HCRTR2: variants seen among roughly 807,000 people sequenced by gnomAD.
HCRTR2 encodes the protein orexin receptor type 2.
HCRTR2 carries 22 observed loss-of-function variants against 49.0 expected under a neutral mutation model. The ratio of observed to expected loss-of-function variants is 0.45; its 90% CI spans 0.32 to 0.64. HCRTR2 has a LOEUF of 0.64. Among genes scored for constraint, HCRTR2 ranks in the 30% least tolerant of loss-of-function variants. The pLI is 0.04. For synonymous variants in HCRTR2, 236 were observed against 205.3 expected, an observed-to-expected ratio of 1.15 and a Z score of -1.28; for missense variants, 491 against 559.4, an observed-to-expected ratio of 0.88 and a Z score of 1.23.
rs542851970 is a variant in HCRTR2 at position 55,187,406 on chromosome 6, C to T, written c.223+12596C>T. On this transcript the variant is annotated intron_variant, in intron 1 of 6. Coordinates refer to ENST00000370862, the MANE Select transcript of HCRTR2 (RefSeq NM_001384272.1). Reference sequence around the variant, plus strand: ...CTGGCCTGGTGACAGAGTGAGACTCCGTCTCAAAAAAAAAAAAAAAAAAAA... The same window carrying T: ...CTGGCCTGGTGACAGAGTGAGACTCTGTCTCAAAAAAAAAAAAAAAAAAAA... Among the ~76,000 whole-genome samples, 687 of 107,948 alleles carry T rather than the reference C, an allele frequency of 6.4e-3. 9 individuals carry two copies. The highest frequency in any genetic ancestry group is 0.024 in the African/African-American group (632 of 26,518). The allele number at this position is 107,948 out of a possible 152,430, so 70.8% of individuals were successfully genotyped here.
intron 1 of HCRTR2, among the ~76,000 whole-genome samples, chr6:55,130,809 A>G (rs1247848517): frequency 1.3e-5 from 2 of 151,846 alleles, no homozygotes; most frequent in Non-Finnish European, 2.9e-5. Context: ...ACACATATAC[A>G]CAGAAATGAC....
At chr6:55,201,144 G>A (rs577661973) in intron 1 of HCRTR2, among the ~76,000 whole-genome samples, 61 of 151,936 alleles carry the variant, frequency 4.0e-4, no homozygotes, top group Non-Finnish European at 6.9e-4. Context: ...CCCTGCCTTG[G>A]TCATTTAAAC....
intron 1 of HCRTR2, among the ~76,000 whole-genome samples, chr6:55,132,944 T>C (rs1264558900): frequency 6.6e-6 from 1 of 151,764 alleles, no homozygotes; most frequent in Non-Finnish European, 1.5e-5. Context: ...AGAAGACTTT[T>C]CAAAACCAAT....
At chr6:55,222,279 C>T (rs538422743) in intron 1 of HCRTR2, among the ~76,000 whole-genome samples, 1 of 147,942 alleles carries the variant, frequency 6.8e-6, no homozygotes, top group South Asian at 2.1e-4. Flanking sequence ...GTAGGATGAC[C>T]ATTATGAAAC....
At chr6:55,209,957 C>T (rs971122937) in intron 1 of HCRTR2, among the ~76,000 whole-genome samples, 15 of 152,054 alleles carry the variant, frequency 9.9e-5, no homozygotes, top group Admixed American at 8.5e-4. Context: ...CTGCATAGAG[C>T]TTATGATGGT....
intron 6 of HCRTR2, 137 bp from the exon 7 acceptor site, chr6:55,282,088 C>A: frequency 1.5e-6 from 1 of 663,426 alleles, no homozygotes; most frequent in Non-Finnish European, 2.7e-6. Context: ...TTTCCTTATT[C>A]TATTTTACCC....
intron 1 of HCRTR2, among the ~76,000 whole-genome samples, chr6:55,152,872 C>A (rs1386170189): frequency 1.3e-5 from 2 of 151,876 alleles, no homozygotes; most frequent in African/African-American, 2.4e-5. Flanking sequence ...ACTTTTCATT[C>A]TTTTGTTTTC....
chr6:55,130,719 A>G (rs9475159), intron 1 of HCRTR2, among the ~76,000 whole-genome samples: 94,255 of 151,656 alleles, frequency 0.62, 30,479 homozygotes, highest in African/African-American at 0.73. Flanking sequence ...CTTGAAGACT[A>G]AAATGTTTTC....
intron 1 of HCRTR2, among the ~76,000 whole-genome samples, chr6:55,138,923 G>A (rs930781742): frequency 1.3e-5 from 2 of 152,186 alleles, no homozygotes; most frequent in Non-Finnish European, 2.9e-5. Context: ...AGGACAGAAA[G>A]TGCCTTTGGG....
chr6:55,204,736 A>C (rs1765571209), intron 1 of HCRTR2, among the ~76,000 whole-genome samples: 1 of 152,172 alleles, frequency 6.6e-6, no homozygotes, highest in African/African-American at 2.4e-5. Context: ...ATTTGGGAGA[A>C]TCAAAAATCC....
intron 1 of HCRTR2, among the ~76,000 whole-genome samples, chr6:55,191,552 T>C (rs1407788504): frequency 6.6e-6 from 1 of 152,172 alleles, no homozygotes; most frequent in Non-Finnish European, 1.5e-5. Context: ...CATTGTGAAA[T>C]ACTGGTGCTG....
chr6:55,177,743 T>C (rs1765065520), intron 1 of HCRTR2, among the ~76,000 whole-genome samples: 1 of 152,176 alleles, frequency 6.6e-6, no homozygotes, highest in Admixed American at 6.5e-5. Flanking sequence ...AACAAAGTCT[T>C]GATTGTCCTC....
At chr6:55,181,917 A>C (rs997648222) in intron 1 of HCRTR2, among the ~76,000 whole-genome samples, 2 of 152,232 alleles carry the variant, frequency 1.3e-5, no homozygotes, top group Admixed American at 6.5e-5. Context: ...ATTTACAGTA[A>C]GAGTTTATTC....
At chr6:55,178,963 T>C (rs1254982470) in intron 1 of HCRTR2, among the ~76,000 whole-genome samples, 4 of 152,376 alleles carry the variant, frequency 2.6e-5, no homozygotes, top group African/African-American at 9.6e-5. Flanking sequence ...TGGTAATATG[T>C]TGATTTAACT....
chr6:55,167,810 T>C (rs114856969), intron 1 of HCRTR2, among the ~76,000 whole-genome samples: 2 of 152,306 alleles, frequency 1.3e-5, no homozygotes, highest in Admixed American at 6.5e-5. Context: ...CTGCCCTCTA[T>C]TATTATTTTT....
intron 1 of HCRTR2, among the ~76,000 whole-genome samples, chr6:55,202,672 G>A (rs562077917): frequency 4.4e-4 from 67 of 152,110 alleles, no homozygotes; most frequent in African/African-American, 1.5e-3. Context: ...TATTAATCTC[G>A]TTCATGAAGG....
At chr6:55,140,538 C>G (rs1561984383) in intron 1 of HCRTR2, among the ~76,000 whole-genome samples, 1 of 152,108 alleles carries the variant, frequency 6.6e-6, no homozygotes, top group Non-Finnish European at 1.5e-5. Context: ...GCCCTTCATT[C>G]CCAAAAAGAC....
chr6:55,170,746 C>T (rs190930144), upstream of HCRTR2, among the ~76,000 whole-genome samples: 223 of 104,236 alleles, frequency 2.1e-3, 2 homozygotes, highest in Middle Eastern at 0.019. Context: ...CCCCACCCCA[C>T]GACAGGTTCC....
intron 1 of HCRTR2, among the ~76,000 whole-genome samples, chr6:55,117,870 GT>G (rs1370900525): frequency 8.0e-6 from 1 of 124,354 alleles, no homozygotes; most frequent in African/African-American, 2.6e-5. Flanking sequence ...CAGACTGTTT[GT>G]TTTTTTTTCT....
Sources: gnomAD v4.1 joint callset for allele counts (sites outside exome capture counted in the v4.1 genomes callset) on GRCh38, gnomAD v4.1.1 for gene constraint, MANE v1.5 for transcripts, NCBI Gene and HGNC (gene_info 2026-07-23, HGNC 2026-07-21) for gene names.